Variants in RIMS4 observed in about 807,000 individuals in gnomAD.
RIMS4 encodes regulating synaptic membrane exocytosis protein 4.
In RIMS4, 9 loss-of-function variants were observed where a neutral mutation model predicts 29.0. The observed-to-expected ratio is 0.31, with a 90% CI of 0.19 to 0.54. RIMS4 has a LOEUF of 0.54. Ranked by LOEUF, RIMS4 falls within the 20% of genes least tolerant of loss-of-function variation. The pLI, the probability that RIMS4 is intolerant of heterozygous loss-of-function variation, is 0.94. For synonymous variants in RIMS4, 130 were observed against 152.9 expected, an observed-to-expected ratio of 0.85 and a Z score of 1.10; for missense variants, 193 against 365.7, an observed-to-expected ratio of 0.53 and a Z score of 3.85.
intron 1 of RIMS4, among the ~76,000 whole-genome samples, chr20:44,804,429 GAGA>G (rs1188401198): frequency 6.6e-6 from 1 of 152,174 alleles, no homozygotes; most frequent in Non-Finnish European, 1.5e-5. Flanking sequence ...TGCAGAATGG[GAGA>G]AGGTTTATAG....
chr20:44,768,665 C>T (rs1198361114), intron 2 of RIMS4, among the ~76,000 whole-genome samples: 3 of 152,198 alleles, frequency 2.0e-5, no homozygotes, highest in African/African-American at 4.8e-5. Flanking sequence ...CCAAGACTGT[C>T]CCCTGCTGCT....
At chr20:44,800,699 T>G (rs2066274270) in intron 1 of RIMS4, among the ~76,000 whole-genome samples, 1 of 151,884 alleles carries the variant, frequency 6.6e-6, no homozygotes, top group African/African-American at 2.4e-5. Context: ...TCTGGGAGAC[T>G]CTGGGTATAT....
chr20:44,775,908 T>C lies in RIMS4; in HGVS notation c.98-4495A>G, dbSNP rs185043450. Among the ~76,000 whole-genome samples the C allele has an allele frequency of 2.0e-5, 3 of 152,386 alleles. No individual in the cohort carries two copies. In the East Asian group the frequency reaches 5.8e-4, roughly 29 times the overall value. On this transcript the variant is annotated intron_variant, in intron 1 of 5. Coordinates refer to ENST00000372851, the MANE Select transcript of RIMS4 (RefSeq NM_182970.4). ...TGCTTCTATGTCATTTGAATTTTAA[T>C]TAATTCTATAATGCAAATGAAAGTA... is the stretch of plus-strand genomic sequence containing the variant.
intron 1 of RIMS4, among the ~76,000 whole-genome samples, chr20:44,807,969 T>C (rs1452251143): frequency 1.3e-5 from 2 of 151,912 alleles, no homozygotes; most frequent in African/African-American, 4.8e-5. Flanking sequence ...TTCTTAAAAA[T>C]CCTCTTTCAG....
chr20:44,770,128 T>G (rs910893664), intron 2 of RIMS4, among the ~76,000 whole-genome samples: 2 of 152,166 alleles, frequency 1.3e-5, no homozygotes, highest in Non-Finnish European at 2.9e-5. Flanking sequence ...AGTCTTCCCA[T>G]GTGCACAAGA....
intron 1 of RIMS4, among the ~76,000 whole-genome samples, chr20:44,776,430 C>A (rs6031790): frequency 2.0e-5 from 3 of 152,200 alleles, no homozygotes; most frequent in Non-Finnish European, 4.4e-5. Context: ...AGCCAGACAC[C>A]TCAGTGCTCC....
At chr20:44,761,906 C>T (rs902597837) in intron 2 of RIMS4, among the ~76,000 whole-genome samples, 3 of 152,150 alleles carry the variant, frequency 2.0e-5, no homozygotes, top group Non-Finnish European at 4.4e-5. Flanking sequence ...GAAAGGTATA[C>T]CCACTATTCT....
In RIMS4 at chr20:44,758,054, CA is replaced by C. The variant is rs747225672; in HGVS notation, c.349+17del. 1.3e-6 allele frequency: 2 copies of C among 1,557,718 alleles called. No individual in the cohort carries two copies. The highest frequency in any genetic ancestry group is 2.3e-5 in the South Asian group (2 of 86,026). ...CCAACTCCCCTAGTCCATTTGAAAC[CA>C]GCCTTGGGGCACTCACCCATGGGTG... is the stretch of plus-strand genomic sequence containing the variant. On this transcript the variant is annotated intron_variant, in intron 3 of 5. Transcript: ENST00000372851.
intron 2 of RIMS4, among the ~76,000 whole-genome samples, chr20:44,766,038 C>G (rs2066112065): frequency 6.6e-6 from 1 of 152,168 alleles, no homozygotes; most frequent in Non-Finnish European, 1.5e-5. Flanking sequence ...GTGGGACAGA[C>G]AGACACACAT....
chr20:44,808,210 G>A (rs2066307713), intron 1 of RIMS4, among the ~76,000 whole-genome samples: 1 of 151,918 alleles, frequency 6.6e-6, no homozygotes, highest in African/African-American at 2.4e-5. Context: ...TGATTTCTAG[G>A]TCTCTTCCAA....
chr20:44,794,902 A>AG (rs2066248122), intron 1 of RIMS4, among the ~76,000 whole-genome samples: 2 of 152,328 alleles, frequency 1.3e-5, no homozygotes, highest in African/African-American at 4.8e-5. Context: ...CTGCGGCCAG[A>AG]GAGGTATTTA....
intron 2 of RIMS4, among the ~76,000 whole-genome samples, chr20:44,761,639 G>A (rs2066085633): frequency 6.6e-6 from 1 of 152,156 alleles, no homozygotes; most frequent in Non-Finnish European, 1.5e-5. Flanking sequence ...TCCGTTATTA[G>A]CTCCCCTCCC....
At chr20:44,802,376 C>T (rs1478397491) in intron 1 of RIMS4, among the ~76,000 whole-genome samples, 1 of 152,200 alleles carries the variant, frequency 6.6e-6, no homozygotes, top group Non-Finnish European at 1.5e-5. Flanking sequence ...CATTGAACCC[C>T]AGAGGGTTGA....
intron 2 of RIMS4, among the ~76,000 whole-genome samples, chr20:44,764,228 G>GTCCATCCATTTATCCATCCA (rs2066103556): frequency 1.5e-5 from 1 of 66,072 alleles, no homozygotes; most frequent in East Asian, 4.2e-4. Context: ...CCATCCATCC[G>GTCCATCCATTTATCCATCCA]TCCATCCATT....
intron 1 of RIMS4, among the ~76,000 whole-genome samples, chr20:44,774,471 C>T (rs1328116022): frequency 2.0e-5 from 3 of 152,056 alleles, no homozygotes; most frequent in African/African-American, 7.2e-5. Context: ...AAAGACTAGA[C>T]TGGCTTAGCC....
At chr20:44,771,754 C>T (rs2066138621) in intron 1 of RIMS4, among the ~76,000 whole-genome samples, 1 of 152,194 alleles carries the variant, frequency 6.6e-6, no homozygotes, top group African/African-American at 2.4e-5. Flanking sequence ...GTGTCAAGTG[C>T]TTTGCATGGA....
chr20:44,810,501 CGGCGGCGGCGGCGGTGGCGGCGGCGGT>C lies in RIMS4; in HGVS notation c.-257_-231del, dbSNP rs1325098499. ...AGGCGCGCTGTGCTGCTGGCGGCGGCGGCGGCGGCGGCGGTGGCGGCGGCGGTGGCGGCGCAGCGCGCTCTGGTCCGC... is the reference window on the plus strand; with the variant it reads ...AGGCGCGCTGTGCTGCTGGCGGCGGCGGCGGCGCAGCGCGCTCTGGTCCGC... On this transcript the variant is annotated 5_prime_UTR_variant, in exon 1 of 6. Coordinates refer to ENST00000372851, the MANE Select transcript of RIMS4 (RefSeq NM_182970.4). 7.1e-6 allele frequency among the ~76,000 whole-genome samples: 1 copy of C among 140,618 alleles called. No individual in the cohort carries two copies. The highest frequency in any genetic ancestry group is 7.0e-5 in the Admixed American group (1 of 14,256). The allele number at this position is 140,618 out of a possible 152,430, so 92.3% of individuals were successfully genotyped here. A position where few individuals can be genotyped will look rare whatever the true frequency, so the allele number is the denominator to read the frequency against.
chr20:44,795,305 C>A (rs1481730152), intron 1 of RIMS4, among the ~76,000 whole-genome samples: 1 of 152,200 alleles, frequency 6.6e-6, no homozygotes, highest in Non-Finnish European at 1.5e-5. Flanking sequence ...GGGCAACTTA[C>A]CTAATGTTTC....
At chr20:44,806,566 G>A (rs1336113959) in intron 1 of RIMS4, among the ~76,000 whole-genome samples, 1 of 152,144 alleles carries the variant, frequency 6.6e-6, no homozygotes, top group Non-Finnish European at 1.5e-5. Context: ...CTAGCATTTT[G>A]AGAATCAGCC....
Sources: gnomAD v4.1 joint callset for allele counts (sites outside exome capture counted in the v4.1 genomes callset) on GRCh38, gnomAD v4.1.1 for gene constraint, MANE v1.5 for transcripts, NCBI Gene and HGNC (gene_info 2026-07-23, HGNC 2026-07-21) for gene names.